The following HERC4 variants were observed in gnomAD, a reference collection of about 807,000 sequenced individuals.
The protein encoded by HERC4 is HECT and RLD domain containing E3 ubiquitin protein ligase 4.
A neutral mutation model predicts 124.3 loss-of-function variants in HERC4; 28 were observed. That is an observed-to-expected ratio of 0.23 (90% CI 0.17 to 0.31). The LOEUF is 0.31. Among genes scored for constraint, HERC4 ranks in the 10% least tolerant of loss-of-function variants. HERC4 has a pLI of 1.00. For synonymous variants in HERC4, 407 were observed against 421.5 expected (o/e 0.97, Z 0.42); for missense variants, 713 against 1,229.3 (o/e 0.58, Z 6.28).
intron 15 of HERC4, among the ~76,000 whole-genome samples, chr10:67,969,935 CA>C (rs1424331353): frequency 6.6e-6 from 1 of 152,132 alleles, no homozygotes; most frequent in Non-Finnish European, 1.5e-5. Flanking sequence ...CAAGCAATAC[CA>C]GTTTACAACT....
intron 13 of HERC4, 93 bp downstream of exon 13, chr10:67,990,811 G>T (rs949986026): frequency 6.1e-5 from 42 of 689,602 alleles, no homozygotes; most frequent in Admixed American, 2.8e-4. Flanking sequence ...AAGAGTCTGT[G>T]AAACTGCAAA....
intron 23 of HERC4, among the ~76,000 whole-genome samples, chr10:67,931,629 T>C (rs2031822996): frequency 6.6e-6 from 1 of 152,036 alleles, no homozygotes; most frequent in Non-Finnish European, 1.5e-5. Context: ...TTCACCATGT[T>C]GGCAAGGCTG....
chr10:67,926,457 G>A (rs1413773459), intron 23 of HERC4, among the ~76,000 whole-genome samples: 3 of 151,014 alleles, frequency 2.0e-5, no homozygotes, highest in Admixed American at 2.0e-4. Context: ...TAAAAGAGAA[G>A]CAGGTAGGAA....
Position 68,018,591 on chromosome 10 carries a change from G to A in HERC4, c.909-4405C>T, listed in dbSNP as rs1028817907. On this transcript the variant is annotated intron_variant, in intron 8 of 24. Transcript: ENST00000373700. ...ACAGATGGTATGACTACGTACATGA[G>A]TAAGTTATTAATAAGAGTTTAGCAA... 3.3e-5 allele frequency among the ~76,000 whole-genome samples: 5 copies of A among 152,138 alleles called. No individual in the cohort carries two copies. The East Asian group carries it at 9.6e-4, about 29-fold the overall frequency.
intron 3 of HERC4, among the ~76,000 whole-genome samples, chr10:68,063,890 G>A (rs950473701): frequency 2.6e-5 from 4 of 152,178 alleles, no homozygotes; most frequent in Non-Finnish European, 5.9e-5. Flanking sequence ...AGTGAGCCAA[G>A]GCTGCACCAT....
chr10:67,949,320 A>T (rs1409881418), intron 19 of HERC4, among the ~76,000 whole-genome samples: 1 of 152,012 alleles, frequency 6.6e-6, no homozygotes, highest in Non-Finnish European at 1.5e-5. Flanking sequence ...AAAATCTTCC[A>T]ACAAAGAAAA....
At chr10:68,040,609 G>T in intron 4 of HERC4, 1 of 299,988 alleles carries the variant, frequency 3.3e-6, no homozygotes, top group Non-Finnish European at 4.9e-6. Context: ...GCAAAAGAAA[G>T]GCTGGGCGTG....
intron 3 of HERC4, among the ~76,000 whole-genome samples, chr10:68,072,585 G>A (rs1425014657): frequency 6.6e-6 from 1 of 151,892 alleles, no homozygotes; most frequent in Non-Finnish European, 1.5e-5. Flanking sequence ...TTATTAAAGA[G>A]GACCTGCACA....
At position 67,954,703 on chromosome 10, in the gene HERC4, T is replaced by C. The variant is rs2034026538; in HGVS notation, c.2229A>G (p.Gly743=). ...IFVGEDAVDA[G]GVRKEFFLLI... is the part of the protein sequence containing the mutation. ...GCAAGAAAAATTCTTTGCGCACCCC[T>C]CCTGCATCCACAGCATCTTCTCCAA... The change falls in exon 19 of 25, where the codon GGA becomes GGG. Residue 743 remains glycine, a synonymous_variant. Transcript: ENST00000373700. 1 of 1,613,410 alleles carries C rather than the reference T, an allele frequency of 6.2e-7. No individual in the cohort carries two copies. The highest frequency in any genetic ancestry group is 8.5e-7 in the Non-Finnish European group (1 of 1,179,722).
chr10:68,010,726 G>A (rs1182889817), intron 9 of HERC4: 9 of 1,486,910 alleles, frequency 6.1e-6, no homozygotes, highest in Non-Finnish European at 8.3e-6. Flanking sequence ...CCTCAAAGAG[G>A]CAGATGGTCG....
chr10:67,927,735 A>G (rs950411343), intron 23 of HERC4, among the ~76,000 whole-genome samples: 66 of 151,980 alleles, frequency 4.3e-4, no homozygotes, highest in African/African-American at 1.5e-3. Flanking sequence ...GCTACAATAT[A>G]CTTTTTAAGA....
intron 8 of HERC4, 80 bp downstream of exon 8, chr10:68,025,466 G>A (rs2038853535): frequency 1.4e-6 from 2 of 1,425,052 alleles, no homozygotes; most frequent in African/African-American, 1.4e-5. Flanking sequence ...AGATTATTAG[G>A]ATCTCTGAAA....
intron 21 of HERC4, 45 bp from the exon 22 acceptor site, chr10:67,936,280 C>G: frequency 9.0e-7 from 1 of 1,105,546 alleles, no homozygotes; most frequent in Non-Finnish European, 1.3e-6. Context: ...AGACTCAAAA[C>G]TTATAATAAT....
chr10:68,073,113 G>C lies in HERC4; in HGVS notation c.-5C>G, dbSNP rs1014567107. 1.2e-6 allele frequency: 2 copies of C among 1,606,100 alleles called. No individual in the cohort carries two copies. The highest frequency in any genetic ancestry group is 1.7e-6 in the Non-Finnish European group (2 of 1,176,576). On this transcript the variant is annotated 5_prime_UTR_variant, in exon 3 of 25. Coordinates refer to ENST00000373700, the MANE Select transcript of HERC4 (RefSeq NM_015601.4). The stretch of plus-strand genomic sequence containing the variant: ...TGCATTTCCCCAGCACAACATGCTT[G>C]TAATTATTTTGGTCTTCCAGTTTCA...
At chr10:67,923,172 TCAAAA>T in intron 24 of HERC4, 33 bp from the exon 25 acceptor site, 2 of 1,541,160 alleles carry the variant, frequency 1.3e-6, no homozygotes, top group Non-Finnish European at 8.9e-7. Flanking sequence ...GTCAACCACT[TCAAAA>T]CAAAAAGATA....
intron 3 of HERC4, among the ~76,000 whole-genome samples, chr10:68,072,312 A>C (rs2041613938): frequency 6.6e-6 from 1 of 152,208 alleles, no homozygotes; most frequent in Non-Finnish European, 1.5e-5. Flanking sequence ...CAAAATCAGG[A>C]CACTTCATAG....
At chr10:68,062,958 C>T (rs2041107059) in intron 3 of HERC4, among the ~76,000 whole-genome samples, 1 of 152,038 alleles carries the variant, frequency 6.6e-6, no homozygotes, top group South Asian at 2.1e-4. Context: ...TTTGCCTAAC[C>T]TTCCTGCTCA....
At position 68,073,081 on chromosome 10, in the gene HERC4, C is replaced by T. The variant is rs1243721412; in HGVS notation, c.28G>A (p.Gly10Arg). 6.2e-7 allele frequency: 1 copy of T among 1,613,812 alleles called. No individual in the cohort carries two copies. The highest frequency in any genetic ancestry group is 2.2e-5 in the East Asian group (1 of 44,858). ...TCAATTCCACCCAAACCTAGCTGCC[C>T]AAAGGATGCATTTCCCCAGCACAAC... Reference protein sequence around the residue: MLCWGNASFGQLGLGGIDEE... With the variant: MLCWGNASFRQLGLGGIDEE... Residue 10 changes from glycine (G) to arginine (R), a missense_variant, in exon 3 of 25, where the codon GGG (glycine) becomes AGG (arginine). Physicochemically the swap from Gly to Arg is moderately radical, Grantham distance 125. Coordinates refer to ENST00000373700, the MANE Select transcript of HERC4 (RefSeq NM_015601.4).
At chr10:67,980,148 G>A (rs1341546690) in intron 15 of HERC4, among the ~76,000 whole-genome samples, 1 of 152,076 alleles carries the variant, frequency 6.6e-6, no homozygotes, top group Admixed American at 6.6e-5. Flanking sequence ...TTTCGCTCTT[G>A]TTGCCTAGGC....
Sources: allele counts gnomAD v4.1 joint callset (sites outside exome capture counted in the v4.1 genomes callset), GRCh38; gene constraint gnomAD v4.1.1; transcripts MANE v1.5; gene names NCBI Gene and HGNC (gene_info 2026-07-23, HGNC 2026-07-21).